RSRC1: variants seen among roughly 807,000 people sequenced by gnomAD.
The protein encoded by RSRC1 is serine/Arginine-related protein 53.
Under a neutral mutation model 49.1 loss-of-function variants are expected in RSRC1, and 39 were observed. That is an observed-to-expected ratio of 0.79 (90% confidence interval 0.61 to 1.04). The LOEUF (loss-of-function observed/expected upper bound fraction) is 1.04, where lower values mean the gene tolerates loss of function less well. Ranked by LOEUF, RSRC1 falls within the 50% of genes least tolerant of loss-of-function variation. The pLI is 0.00. For synonymous variants in RSRC1, 143 were observed against 130.8 expected (o/e 1.09, Z -0.63); for missense variants, 388 against 402.4 (o/e 0.96, Z 0.31).
At chr3:158,378,345 G>T (rs1732492442) in intron 6 of RSRC1, among the ~76,000 whole-genome samples, 1 of 152,058 alleles carries the variant, frequency 6.6e-6, no homozygotes, top group Non-Finnish European at 1.5e-5. Context: ...CTCAAGGTTG[G>T]TTGCTGTTGA....
At chr3:158,374,835 A>G (rs1367688790) in intron 6 of RSRC1, among the ~76,000 whole-genome samples, 3 of 152,238 alleles carry the variant, frequency 2.0e-5, no homozygotes, top group South Asian at 2.1e-4. Context: ...AGTCATTCCT[A>G]TGGTCTTCCT....
intron 7 of RSRC1, among the ~76,000 whole-genome samples, chr3:158,468,516 C>T (rs1285997653): frequency 6.6e-6 from 1 of 152,174 alleles, no homozygotes; most frequent in East Asian, 1.9e-4. Flanking sequence ...GAGTAATTAT[C>T]TGCAGCCAAA....
chr3:158,499,827 C>A (rs1180622501), intron 7 of RSRC1, among the ~76,000 whole-genome samples: 1 of 152,232 alleles, frequency 6.6e-6, no homozygotes, highest in East Asian at 1.9e-4. Context: ...CAGTTTGACT[C>A]CCTCTTTACC....
chr3:158,300,875 A>G (rs1433464611), intron 5 of RSRC1, among the ~76,000 whole-genome samples: 1 of 152,186 alleles, frequency 6.6e-6, no homozygotes, highest in Non-Finnish European at 1.5e-5. Context: ...ACCAGGTAAC[A>G]TAGTTGCCCT....
At chr3:158,429,683 G>C (rs1426168861) in intron 6 of RSRC1, among the ~76,000 whole-genome samples, 7 of 151,062 alleles carry the variant, frequency 4.6e-5, no homozygotes, top group Non-Finnish European at 8.9e-5. Context: ...AAATACAATA[G>C]AATAGTATCC....
At chr3:158,334,035 T>A (rs1338660082) in intron 5 of RSRC1, among the ~76,000 whole-genome samples, 1 of 152,206 alleles carries the variant, frequency 6.6e-6, no homozygotes, top group Non-Finnish European at 1.5e-5. Context: ...TTGTTTAAAA[T>A]AACGTGTTTT....
intron 4 of RSRC1, among the ~76,000 whole-genome samples, chr3:158,263,229 A>G (rs957519471): frequency 2.0e-5 from 3 of 152,068 alleles, no homozygotes; most frequent in Non-Finnish European, 4.4e-5. Context: ...AGAATTTTTT[A>G]AGAAATGGTT....
chr3:158,540,990 C>T (rs892796452), intron 8 of RSRC1, among the ~76,000 whole-genome samples: 3 of 152,214 alleles, frequency 2.0e-5, no homozygotes, highest in Non-Finnish European at 4.4e-5. Flanking sequence ...TATGAGGGCA[C>T]TTTCCTGCTG....
intron 6 of RSRC1, among the ~76,000 whole-genome samples, chr3:158,385,605 A>G (rs1408549468): frequency 6.6e-6 from 1 of 152,216 alleles, no homozygotes; most frequent in East Asian, 1.9e-4. Flanking sequence ...TGATACAGTT[A>G]TTGAGAGAGT....
At chr3:158,478,897 G>T (rs1175541404) in intron 7 of RSRC1, among the ~76,000 whole-genome samples, 1 of 138,122 alleles carries the variant, frequency 7.2e-6, no homozygotes, top group Non-Finnish European at 1.5e-5. Context: ...GAGTACTATT[G>T]TATTCATTAA....
chr3:158,251,459 T>A (rs1362592108), intron 4 of RSRC1, among the ~76,000 whole-genome samples: 1 of 152,188 alleles, frequency 6.6e-6, no homozygotes, highest in East Asian at 1.9e-4. Context: ...ACATGAAATA[T>A]CTTTCCATTT....
intron 5 of RSRC1, among the ~76,000 whole-genome samples, chr3:158,340,418 G>A (rs1730165618): frequency 6.6e-6 from 1 of 152,154 alleles, no homozygotes; most frequent in Non-Finnish European, 1.5e-5. Context: ...GCATGCACCT[G>A]TAGTCCTAGC....
At chr3:158,435,158 GCTT>G (rs1363684867) in intron 6 of RSRC1, among the ~76,000 whole-genome samples, 1 of 151,756 alleles carries the variant, frequency 6.6e-6, no homozygotes, top group Non-Finnish European at 1.5e-5. Flanking sequence ...CTGTGTTAAA[GCTT>G]CTATTTATCT....
intron 5 of RSRC1, among the ~76,000 whole-genome samples, chr3:158,347,042 A>G (rs970886952): frequency 1.3e-5 from 2 of 152,240 alleles, no homozygotes; most frequent in Non-Finnish European, 2.9e-5. Flanking sequence ...TTGTAGTTCA[A>G]TTATACCTCA....
intron 6 of RSRC1, among the ~76,000 whole-genome samples, chr3:158,448,520 C>G (rs1578492050): frequency 6.6e-6 from 1 of 151,996 alleles, no homozygotes; most frequent in East Asian, 1.9e-4. Context: ...ATCAGCTATT[C>G]ACTTTTTATC....
intron 6 of RSRC1, among the ~76,000 whole-genome samples, chr3:158,388,620 T>G (rs902945658): frequency 5.3e-5 from 8 of 151,628 alleles, no homozygotes; most frequent in African/African-American, 1.5e-4. Context: ...TTGTTTTTTT[T>G]TTTTTTTTGA....
At chr3:158,431,999 G>A (rs528250758) in intron 6 of RSRC1, among the ~76,000 whole-genome samples, 1 of 151,938 alleles carries the variant, frequency 6.6e-6, no homozygotes, top group East Asian at 1.9e-4. Context: ...CATGAATAAT[G>A]TCCATTTAAA....
In RSRC1 at chr3:158,118,462, T is replaced by TGTGTGTGTGTGTGTGCGCGC. The variant is rs1491469875; in HGVS notation, c.-2-3640_-2-3639insTGTGTGTGTGTGTGCGCGCG. 5.5e-4 allele frequency among the ~76,000 whole-genome samples: 69 copies of TGTGTGTGTGTGTGTGCGCGC among 124,708 alleles called. 1 individual carries two copies. The highest frequency in any genetic ancestry group is 3.7e-3 in the East Asian group (14 of 3,780). 81.8% of individuals were successfully genotyped at this position (124,708 alleles called of 152,430 possible). On this transcript the variant is annotated intron_variant, in intron 1 of 9. Coordinates refer to ENST00000611884, the MANE Select transcript of RSRC1 (RefSeq NM_001271838.2). ...GTGTGTGTGTGTGTGTGTGTGTGTG[T>TGTGTGTGTGTGTGTGCGCGC]GCGCGTGCGCGTGGTTTTTTTAAAT...
chr3:158,115,139 G>C (rs1189448919), intron 1 of RSRC1, among the ~76,000 whole-genome samples: 1 of 152,020 alleles, frequency 6.6e-6, no homozygotes, highest in Non-Finnish European at 1.5e-5. Flanking sequence ...TGGGTTTGTT[G>C]TAAATGGCTC....
Sources: allele counts gnomAD v4.1 joint callset (sites outside exome capture counted in the v4.1 genomes callset), GRCh38; gene constraint gnomAD v4.1.1; transcripts MANE v1.5; gene names NCBI Gene and HGNC (gene_info 2026-07-23, HGNC 2026-07-21).